Variants in HNMT observed in about 807,000 individuals in gnomAD.
HNMT encodes histamine N-methyltransferase.
HNMT carries 30 observed loss-of-function variants against 32.1 expected under a neutral mutation model. That is an observed-to-expected ratio of 0.93 (90% CI 0.70 to 1.27). The LOEUF is 1.27. Among genes scored for constraint, HNMT ranks in the 50% most tolerant of loss-of-function variants. HNMT has a pLI of 0.00. For synonymous variants in HNMT, 125 were observed against 119.0 expected, an observed-to-expected ratio of 1.05 and a Z score of -0.33; for missense variants, 327 against 346.0, an observed-to-expected ratio of 0.95 and a Z score of 0.43.
chr2:137,979,719 A>C (rs1366539240), intron 2 of HNMT, among the ~76,000 whole-genome samples: 1 of 152,152 alleles, frequency 6.6e-6, no homozygotes, highest in Admixed American at 6.5e-5. Flanking sequence ...ATTTATATAC[A>C]TAATAATCTC....
At chr2:137,985,171 G>A (rs1680615276) in intron 2 of HNMT, among the ~76,000 whole-genome samples, 1 of 150,990 alleles carries the variant, frequency 6.6e-6, no homozygotes, top group Admixed American at 6.6e-5. Context: ...AAATTGGTGT[G>A]TGCTAAAGGC....
chr2:137,980,998 T>C (rs917007901), intron 2 of HNMT, among the ~76,000 whole-genome samples: 32 of 152,180 alleles, frequency 2.1e-4, no homozygotes, highest in South Asian at 2.1e-4. Flanking sequence ...CACGGAGTTA[T>C]ATGAGCAATC....
chr2:137,997,675 A>G (rs1681037498), intron 2 of HNMT, among the ~76,000 whole-genome samples: 1 of 152,240 alleles, frequency 6.6e-6, no homozygotes, highest in Admixed American at 6.5e-5. Flanking sequence ...ATTGCTGGGT[A>G]TATACCCAAA....
intron 2 of HNMT, among the ~76,000 whole-genome samples, chr2:137,970,931 AAAAAAG>A (rs1680107840): frequency 1.4e-5 from 1 of 70,790 alleles, no homozygotes; most frequent in African/African-American, 4.3e-5. Flanking sequence ...AAAAAAAAAA[AAAAAAG>A]AAAGAAAGAA....
At chr2:137,970,390 G>A (rs966997867) in intron 2 of HNMT, among the ~76,000 whole-genome samples, 173 bp downstream of exon 2, 14 of 151,980 alleles carry the variant, frequency 9.2e-5, no homozygotes, top group Non-Finnish European at 8.8e-5. Flanking sequence ...GATTTACAGG[G>A]TTTAGGACAT....
At chr2:138,004,427 G>A (rs1006290369) in intron 4 of HNMT, among the ~76,000 whole-genome samples, 2 of 152,088 alleles carry the variant, frequency 1.3e-5, no homozygotes, top group Admixed American at 1.3e-4. Context: ...TATAAGAAGT[G>A]TCTATGGGGG....
chr2:137,981,441 C>G, intron 2 of HNMT: 1 of 1,421,748 alleles, frequency 7.0e-7, no homozygotes. Flanking sequence ...CTAGATCACA[C>G]AGTTGAAAAT....
intron 2 of HNMT, among the ~76,000 whole-genome samples, chr2:137,996,772 T>C (rs377447872): frequency 2.0e-5 from 3 of 152,174 alleles, no homozygotes; most frequent in African/African-American, 7.2e-5. Context: ...CTTCAAACTA[T>C]ACTAAAAGTC....
chr2:138,001,722 A>T (rs1681178577), intron 3 of HNMT, among the ~76,000 whole-genome samples: 1 of 152,128 alleles, frequency 6.6e-6, no homozygotes, highest in Non-Finnish European at 1.5e-5. Flanking sequence ...CCTGGACTGT[A>T]GTTTGTCTTC....
In HNMT at chr2:137,976,418, T is replaced by C. The variant is rs551209919; in HGVS notation, c.190+6201T>C. ...GGAAGGGACTTAGGCACTGATTTTCTTGTGTGTTTGGGCCATCAAACGTGC... is the reference window on the plus strand; with the variant it reads ...GGAAGGGACTTAGGCACTGATTTTCCTGTGTGTTTGGGCCATCAAACGTGC... On this transcript the variant is annotated intron_variant, in intron 2 of 5. Transcript: ENST00000280097. Among the ~76,000 whole-genome samples, 30 of 152,346 alleles carry C rather than the reference T, an allele frequency of 2.0e-4. 1 individual carries two copies. The South Asian group carries it at 6.2e-3, about 32-fold the overall frequency.
At chr2:138,012,027 C>T (rs1681521095) in intron 5 of HNMT, among the ~76,000 whole-genome samples, 1 of 151,936 alleles carries the variant, frequency 6.6e-6, no homozygotes, top group Admixed American at 6.6e-5. Context: ...ATTAGAAGGC[C>T]CATAAATAGA....
chr2:137,968,818 C>A (rs963291732), intron 1 of HNMT, among the ~76,000 whole-genome samples: 1 of 152,174 alleles, frequency 6.6e-6, no homozygotes, highest in Non-Finnish European at 1.5e-5. Context: ...TTGTTCCCAT[C>A]CTGTGACTGA....
chr2:137,980,388 T>C (rs1031703597), intron 2 of HNMT, among the ~76,000 whole-genome samples: 1 of 152,126 alleles, frequency 6.6e-6, no homozygotes, highest in Admixed American at 6.6e-5. Context: ...CCCAGCTATG[T>C]TGTAGATTAG....
In HNMT at chr2:137,964,844, G is replaced by A. The variant is rs1042729454; in HGVS notation, c.137+216G>A. ...TTTGAACACTCAAAGGCTCCCATTTGTGTTGTATTTCCAGCTGCATAGAGA... is the reference window on the plus strand; with the variant it reads ...TTTGAACACTCAAAGGCTCCCATTTATGTTGTATTTCCAGCTGCATAGAGA... On this transcript the variant is annotated intron_variant, in intron 1 of 5. Transcript: ENST00000280097. Among the ~76,000 whole-genome samples the A allele has an allele frequency of 2.2e-4, 34 of 152,240 alleles. 1 individual carries two copies. The highest frequency in any genetic ancestry group is 1.4e-3 in the Admixed American group (21 of 15,308).
rs558229159 is a variant in HNMT, at chr2:137,973,106, A to G, written c.190+2889A>G. Among the ~76,000 whole-genome samples, 289 of 152,312 alleles carry G rather than the reference A, an allele frequency of 1.9e-3. 1 individual carries two copies. The highest frequency in any genetic ancestry group is 6.8e-3 in the African/African-American group (283 of 41,570). On this transcript the variant is annotated intron_variant, in intron 2 of 5. Coordinates refer to ENST00000280097, the MANE Select transcript of HNMT (RefSeq NM_006895.3). Reference sequence around the variant, plus strand: ...TTCATAAGAAATCAATCAGAAATGTAAGAAAAACTCCAAGAAAAATTTAAG... The same window carrying G: ...TTCATAAGAAATCAATCAGAAATGTGAGAAAAACTCCAAGAAAAATTTAAG...
chr2:137,999,543 C>T (rs979531528), intron 2 of HNMT, among the ~76,000 whole-genome samples: 8 of 152,150 alleles, frequency 5.3e-5, no homozygotes, highest in African/African-American at 1.9e-4. Context: ...TCCTTCCAGA[C>T]CTCCCAGTCT....
At chr2:137,976,639 TGCA>T (rs1196354233) in intron 2 of HNMT, among the ~76,000 whole-genome samples, 1 of 152,180 alleles carries the variant, frequency 6.6e-6, no homozygotes, top group Non-Finnish European at 1.5e-5. Flanking sequence ...AGTACTTATA[TGCA>T]GCATCATAGC....
chr2:137,998,048 A>G (rs1681049017), intron 2 of HNMT, among the ~76,000 whole-genome samples: 1 of 152,026 alleles, frequency 6.6e-6, no homozygotes, highest in Non-Finnish European at 1.5e-5. Context: ...GGAACACAGA[A>G]GACAGGTCAA....
rs1681584377 is a variant in HNMT at position 138,013,872 on chromosome 2, G to A, written c.621G>A (p.Met207Ile). 2.5e-6 allele frequency: 4 copies of A among 1,613,826 alleles called. No homozygotes were observed. The highest frequency in any genetic ancestry group is 4.5e-5 in the East Asian group (2 of 44,862). ...TCACATCAGATGACCTCACTCAGAT[G>A]CTGGACAACCTAGGGCTTAAGTATG... ...QYITSDDLTQ[M>I]LDNLGLKYEC... is the part of the protein sequence containing the mutation. The change falls in exon 6 of 6, where the codon ATG becomes ATA. Residue 207 changes from methionine to isoleucine, a missense_variant. Coordinates refer to ENST00000280097, the MANE Select transcript of HNMT (RefSeq NM_006895.3).
Sources: allele counts gnomAD v4.1 joint callset (sites outside exome capture counted in the v4.1 genomes callset), GRCh38; gene constraint gnomAD v4.1.1; transcripts MANE v1.5; gene names NCBI Gene and HGNC (gene_info 2026-07-23, HGNC 2026-07-21).